The following ATXN7L1 variants were observed in gnomAD, a reference collection of about 807,000 sequenced individuals.
ATXN7L1 encodes the protein ataxin-7-like protein 1.
A neutral mutation model predicts 70.8 loss-of-function variants in ATXN7L1; 15 were observed. That is an observed-to-expected ratio of 0.21 (90% CI 0.14 to 0.33). The LOEUF (loss-of-function observed/expected upper bound fraction) is 0.33. Among genes scored for constraint, ATXN7L1 ranks in the 10% least tolerant of loss-of-function variants. The probability of loss-of-function intolerance (pLI) is 1.00; values close to 1 mark genes in which losing one functional copy is unlikely to be tolerated. For missense variants in ATXN7L1, 975 were observed against 1,097.1 expected, an observed-to-expected ratio of 0.89 and a Z score of 1.57; for synonymous variants, 440 against 445.1, an observed-to-expected ratio of 0.99 and a Z score of 0.14.
intron 2 of ATXN7L1, among the ~76,000 whole-genome samples, chr7:105,845,338 A>G (rs1220253371): frequency 1.3e-5 from 2 of 151,866 alleles, no homozygotes; most frequent in African/African-American, 2.4e-5. Context: ...CAATAAGTTT[A>G]GCCAAAGAGA....
chr7:105,732,931 C>A (rs1281516459), intron 3 of ATXN7L1, among the ~76,000 whole-genome samples: 4 of 152,170 alleles, frequency 2.6e-5, no homozygotes, highest in African/African-American at 9.7e-5. Context: ...TGACTTGTCT[C>A]CTCAATTCTT....
rs564837850 is a variant in ATXN7L1, at chr7:105,672,217, C to T, written c.356-6929G>A. On this transcript the variant is annotated intron_variant, in intron 3 of 11. Transcript: ENST00000419735. ...AGGAGAATCACTTGAACCCTGGAAG[C>T]GGAGGCTGCAGTGAGCCGAGATCAT... Among the ~76,000 whole-genome samples, 203 of 151,722 alleles carry T rather than the reference C, an allele frequency of 1.3e-3. 2 individuals are homozygous for T. The highest frequency in any genetic ancestry group is 4.6e-3 in the African/African-American group (191 of 41,362).
chr7:105,853,078 TG>T (rs1188395262), intron 2 of ATXN7L1, among the ~76,000 whole-genome samples: 2 of 151,986 alleles, frequency 1.3e-5, no homozygotes, highest in Admixed American at 6.6e-5. Flanking sequence ...GAGGCAGGAA[TG>T]GGGAATTATT....
intron 3 of ATXN7L1, among the ~76,000 whole-genome samples, chr7:105,748,945 C>T (rs888926389): frequency 6.6e-6 from 1 of 152,114 alleles, no homozygotes; most frequent in Non-Finnish European, 1.5e-5. Flanking sequence ...AGGCCCTCTG[C>T]TGGGGAGGAA....
chr7:105,649,635 C>T, intron 4 of ATXN7L1: 2 of 938,022 alleles, frequency 2.1e-6, no homozygotes, highest in Non-Finnish European at 2.5e-6. Flanking sequence ...GGCCAGCTGC[C>T]CACCTGCCAG....
At chr7:105,736,970 T>C (rs1272880028) in intron 3 of ATXN7L1, among the ~76,000 whole-genome samples, 1 of 152,252 alleles carries the variant, frequency 6.6e-6, no homozygotes, top group Admixed American at 6.5e-5. Flanking sequence ...GTGGGAAATT[T>C]TCATCTTATG....
chr7:105,792,020 T>A (rs1401070102), intron 2 of ATXN7L1, among the ~76,000 whole-genome samples: 2 of 152,164 alleles, frequency 1.3e-5, no homozygotes, highest in Non-Finnish European at 2.9e-5. Context: ...CTGGGTGACC[T>A]GTCGAGGCCT....
intron 2 of ATXN7L1, among the ~76,000 whole-genome samples, chr7:105,827,061 C>T (rs553213464): frequency 3.3e-5 from 5 of 152,238 alleles, no homozygotes; most frequent in Non-Finnish European, 7.4e-5. Flanking sequence ...TCCACTCCAA[C>T]CTGTGTTTAA....
intron 3 of ATXN7L1, among the ~76,000 whole-genome samples, chr7:105,767,990 C>A (rs1362787511): frequency 6.6e-6 from 1 of 152,206 alleles, no homozygotes; most frequent in Non-Finnish European, 1.5e-5. Context: ...GACGTCTAAA[C>A]GTTTGTTTTG....
intron 3 of ATXN7L1, among the ~76,000 whole-genome samples, chr7:105,703,293 G>A (rs551999132): frequency 3.2e-5 from 4 of 123,110 alleles, no homozygotes; most frequent in East Asian, 2.4e-4. Flanking sequence ...CAAGAAGAGC[G>A]AAACTCCGTC....
At chr7:105,612,719 T>A (rs1793270407) in intron 10 of ATXN7L1, among the ~76,000 whole-genome samples, 1 of 152,232 alleles carries the variant, frequency 6.6e-6, no homozygotes, top group African/African-American at 2.4e-5. Flanking sequence ...TTGCAGCTTG[T>A]CTGGCCCTTG....
At chr7:105,752,615 C>T (rs1337263301) in intron 3 of ATXN7L1, among the ~76,000 whole-genome samples, 1 of 152,226 alleles carries the variant, frequency 6.6e-6, no homozygotes, top group Non-Finnish European at 1.5e-5. Context: ...GAAGCACTGG[C>T]TGTCAACTGT....
intron 3 of ATXN7L1, among the ~76,000 whole-genome samples, chr7:105,719,295 A>G (rs1794922317): frequency 1.3e-5 from 2 of 152,108 alleles, no homozygotes; most frequent in Admixed American, 6.6e-5. Context: ...TCAGTCTGGG[A>G]GGCTCCCACA....
At chr7:105,846,992 G>A (rs896286833) in intron 2 of ATXN7L1, among the ~76,000 whole-genome samples, 3 of 152,190 alleles carry the variant, frequency 2.0e-5, no homozygotes, top group Admixed American at 1.3e-4. Context: ...ATGGGTACAA[G>A]GTTTCTTTCG....
rs1584267310 is a variant in ATXN7L1 at position 105,608,003 on chromosome 7, C to T, written c.2548-113G>A. 1.6e-5 allele frequency: 15 copies of T among 963,282 alleles called. No homozygotes were observed. In the East Asian group the frequency reaches 3.1e-4, roughly 20 times the overall value. 59.7% of individuals were successfully genotyped at this position (963,282 alleles called of 1,614,324 possible). A position where few individuals can be genotyped will look rare whatever the true frequency, so the allele number is the denominator to read the frequency against. Reference sequence around the variant, plus strand: ...ATCTATAATAGAAAGGACAATATCCCACCTCCCATATCCAGCAAAGGGCAG... The same window carrying T: ...ATCTATAATAGAAAGGACAATATCCTACCTCCCATATCCAGCAAAGGGCAG... On this transcript the variant is annotated intron_variant, in intron 11 of 11. Coordinates refer to ENST00000419735, the MANE Select transcript of ATXN7L1 (RefSeq NM_020725.2).
intron 9 of ATXN7L1, chr7:105,617,926 G>A (rs1300462190): frequency 6.6e-6 from 3 of 456,518 alleles, no homozygotes; most frequent in Admixed American, 2.3e-5. Context: ...CTCCAGGTTC[G>A]GGCCCGCCGG....
chr7:105,693,380 C>A (rs1791266768), intron 3 of ATXN7L1, among the ~76,000 whole-genome samples: 1 of 152,008 alleles, frequency 6.6e-6, no homozygotes, highest in Admixed American at 6.5e-5. Flanking sequence ...TTTGTAGAGA[C>A]AGAATCTCAC....
At chr7:105,772,143 G>A (rs890059034) in intron 3 of ATXN7L1, among the ~76,000 whole-genome samples, 4 of 136,760 alleles carry the variant, frequency 2.9e-5, no homozygotes, top group East Asian at 2.2e-4. Flanking sequence ...GCACGATCTC[G>A]GCTTACTGCA....
intron 2 of ATXN7L1, among the ~76,000 whole-genome samples, chr7:105,799,914 C>G (rs972730878): frequency 2.0e-5 from 3 of 152,168 alleles, no homozygotes; most frequent in African/African-American, 4.8e-5. Flanking sequence ...GCTGGACTGG[C>G]TACCGACTGC....
Sources: gnomAD v4.1 joint callset for allele counts (sites outside exome capture counted in the v4.1 genomes callset) on GRCh38, gnomAD v4.1.1 for gene constraint, MANE v1.5 for transcripts, NCBI Gene and HGNC (gene_info 2026-07-23, HGNC 2026-07-21) for gene names.